Variants in PTPRN2 observed in about 807,000 individuals in gnomAD.
PTPRN2 encodes protein tyrosine phosphatase receptor type N2, also known as receptor-type tyrosine-protein phosphatase N2.
A neutral mutation model predicts 118.8 loss-of-function variants in PTPRN2; 74 were observed. That is an observed-to-expected ratio of 0.62 (90% CI 0.52 to 0.76). The LOEUF (loss-of-function observed/expected upper bound fraction) is 0.76. PTPRN2 is among the 30% of genes least tolerant of loss of function. The pLI, the probability that PTPRN2 is intolerant of heterozygous loss-of-function variation, is 0.00. For missense variants in PTPRN2, 1,481 were observed against 1,394.4 expected (o/e 1.06, Z -0.99); for synonymous variants, 641 against 608.0 (o/e 1.05, Z -0.80).
At chr7:157,679,072 AGT>A (rs994066182) in intron 13 of PTPRN2, among the ~76,000 whole-genome samples, 1 of 151,718 alleles carries the variant, frequency 6.6e-6, no homozygotes, top group African/African-American at 2.4e-5. Context: ...CATTATCCTT[AGT>A]GTGTGTGTGT....
intron 1 of PTPRN2, among the ~76,000 whole-genome samples, chr7:158,543,545 A>G (rs73510545): frequency 0.017 from 2,627 of 152,356 alleles, 77 homozygotes; most frequent in African/African-American, 0.059. Context: ...ATAATGTAAA[A>G]AAACTGTTAC....
intron 11 of PTPRN2, among the ~76,000 whole-genome samples, chr7:158,051,226 C>A (rs1809301696): frequency 6.6e-6 from 1 of 152,196 alleles, no homozygotes; most frequent in Non-Finnish European, 1.5e-5. Context: ...TGTGGACCAG[C>A]CCAGCTCTGG....
chr7:158,097,953 G>A (rs1814776969), intron 10 of PTPRN2, among the ~76,000 whole-genome samples: 1 of 152,116 alleles, frequency 6.6e-6, no homozygotes, highest in Admixed American at 6.5e-5. Context: ...AACATGCTCT[G>A]ACAGGCAGCA....
chr7:158,327,247 GCACA>G (rs202103019), intron 2 of PTPRN2, among the ~76,000 whole-genome samples: 1 of 147,682 alleles, frequency 6.8e-6, no homozygotes, highest in African/African-American at 2.5e-5. Flanking sequence ...CCACATACAT[GCACA>G]CATTCTCACA....
intron 9 of PTPRN2, among the ~76,000 whole-genome samples, chr7:158,130,809 AACAC>A (rs779020357): frequency 1.4e-5 from 2 of 145,410 alleles, no homozygotes; most frequent in African/African-American, 5.1e-5. Context: ...TCATCTACCC[AACAC>A]ACACACATAC....
intron 12 of PTPRN2, among the ~76,000 whole-genome samples, chr7:157,834,051 G>A (rs1363611846): frequency 5.9e-5 from 9 of 152,142 alleles, no homozygotes; most frequent in Non-Finnish European, 1.0e-4. Flanking sequence ...CTTTCTATCC[G>A]CCAATCAATG....
intron 2 of PTPRN2, among the ~76,000 whole-genome samples, chr7:158,397,604 TG>T (rs1051403840): frequency 6.6e-6 from 1 of 152,126 alleles, no homozygotes; most frequent in African/African-American, 2.4e-5. Flanking sequence ...GGGGCCGAAA[TG>T]TCATACCATT....
chr7:158,587,010 CAG>C (rs1296933136), intron 1 of PTPRN2, among the ~76,000 whole-genome samples: 2 of 152,122 alleles, frequency 1.3e-5, no homozygotes, highest in Non-Finnish European at 2.9e-5. Context: ...CCAGTGAGGA[CAG>C]AGAGGCGCGC....
chr7:157,562,320 C>T (rs933538382), intron 21 of PTPRN2, among the ~76,000 whole-genome samples: 1 of 152,072 alleles, frequency 6.6e-6, no homozygotes, highest in Non-Finnish European at 1.5e-5. Context: ...GGGGCTGGGC[C>T]CAGGGAGATG....
At chr7:157,778,065 A>G (rs1378800485) in intron 12 of PTPRN2, among the ~76,000 whole-genome samples, 1 of 152,316 alleles carries the variant, frequency 6.6e-6, no homozygotes, top group East Asian at 1.9e-4. Context: ...TAAAAGTTAC[A>G]GAACCAGAGT....
chr7:157,842,230 C>T (rs7777198), intron 12 of PTPRN2, among the ~76,000 whole-genome samples: 95,687 of 151,726 alleles, frequency 0.63, 30,516 homozygotes, highest in African/African-American at 0.71. Context: ...CCAGGCCTCC[C>T]CCACACATTC....
chr7:158,579,134 G>A (rs1163327509), intron 1 of PTPRN2, among the ~76,000 whole-genome samples: 2 of 152,178 alleles, frequency 1.3e-5, no homozygotes, highest in African/African-American at 4.8e-5. Flanking sequence ...CCAAAGGGCT[G>A]TCACCATCAG....
chr7:157,992,893 C>T (rs899643920), intron 11 of PTPRN2, among the ~76,000 whole-genome samples: 3 of 152,272 alleles, frequency 2.0e-5, no homozygotes, highest in African/African-American at 7.2e-5. Context: ...CCCACGCAGG[C>T]CCCTTGAAGG....
At position 158,319,615 on chromosome 7, in the gene PTPRN2, A is replaced by G. The variant is rs576264097; in HGVS notation, c.164-2683T>C. Among the ~76,000 whole-genome samples, 356 of 114,678 alleles carry G rather than the reference A, an allele frequency of 3.1e-3. 41 individuals carry two copies. Among genetic ancestry groups the G allele is most frequent in the African/African-American group, 0.012 (334 of 27,168 alleles). 75.2% of individuals were successfully genotyped at this position (114,678 alleles called of 152,430 possible). A position where few individuals can be genotyped will look rare whatever the true frequency, so the allele number is the denominator to read the frequency against. ...CACACGCACACAGCCTCCCTTGTAC[A>G]CACACAGCCTCCCTCACACACACAC... On this transcript the variant is annotated intron_variant, in intron 2 of 22. Transcript: ENST00000389418.
intron 12 of PTPRN2, among the ~76,000 whole-genome samples, chr7:157,694,926 T>C (rs1797692917): frequency 6.6e-6 from 1 of 152,156 alleles, no homozygotes; most frequent in African/African-American, 2.4e-5. Context: ...AATGAGTACA[T>C]TATTCATATA....
At chr7:157,576,522 G>C in intron 19 of PTPRN2, 91 bp downstream of exon 19, 1 of 1,316,624 alleles carries the variant, frequency 7.6e-7, no homozygotes, top group Non-Finnish European at 1.0e-6. Context: ...GCGGCCCTCG[G>C]CGCCAGGGGC....
intron 12 of PTPRN2, among the ~76,000 whole-genome samples, chr7:157,823,959 A>G (rs1269377903): frequency 6.6e-6 from 1 of 152,180 alleles, no homozygotes; most frequent in African/African-American, 2.4e-5. Flanking sequence ...AGAAATTAGA[A>G]GTGTTTTTTC....
At position 158,546,201 on chromosome 7, in the gene PTPRN2, T is replaced by C. The variant is rs528975723; in HGVS notation, c.112+41357A>G. Among the ~76,000 whole-genome samples the C allele has an allele frequency of 6.6e-6, 1 of 152,264 alleles. No homozygotes were observed. The highest frequency in any genetic ancestry group is 2.4e-5 in the African/African-American group (1 of 41,560). On this transcript the variant is annotated intron_variant, in intron 1 of 22. Transcript: ENST00000389418. This position sits in a 1 kb window ranked among gnomAD's most constrained non-coding sequence, Gnocchi z 5.0. The stretch of plus-strand genomic sequence containing the variant: ...GGCTGGACACGGCCTGTCTCCTCCC[T>C]GAGAGGAACCATCAGGGAGCCTCGG...
intron 12 of PTPRN2, among the ~76,000 whole-genome samples, chr7:157,870,520 T>C (rs891898588): frequency 6.6e-6 from 1 of 152,266 alleles, no homozygotes; most frequent in Admixed American, 6.5e-5. Context: ...TTCATGTTGC[T>C]CTGATAGGGG....
Sources: allele counts gnomAD v4.1 joint callset (sites outside exome capture counted in the v4.1 genomes callset), GRCh38; gene constraint gnomAD v4.1.1; non-coding constraint Gnocchi (gnomAD v3.1); transcripts MANE v1.5; gene names NCBI Gene and HGNC (gene_info 2026-07-23, HGNC 2026-07-21).